Variants in MCFD2 observed in about 807,000 individuals in gnomAD.
MCFD2 encodes the protein multiple coagulation factor deficiency 2, ER cargo receptor complex subunit, also known as multiple coagulation factor deficiency protein 2.
A neutral mutation model predicts 12.8 loss-of-function variants in MCFD2; 11 were observed. The ratio of observed to expected loss-of-function variants is 0.86; its 90% CI spans 0.54 to 1.42. The LOEUF is 1.42. MCFD2 is among the 40% of genes most tolerant of loss of function. The pLI is 0.00. For synonymous variants in MCFD2, 70 were observed against 68.1 expected, an observed-to-expected ratio of 1.03 and a Z score of -0.14; for missense variants, 191 against 178.6, an observed-to-expected ratio of 1.07 and a Z score of -0.40.
upstream of MCFD2, among the ~76,000 whole-genome samples, chr2:46,920,271 A>ATGT (rs1186804321): frequency 1.3e-5 from 2 of 152,002 alleles, no homozygotes; most frequent in South Asian, 2.1e-4. Context: ...CTTTCTCATC[A>ATGT]TGTTGTTGTT....
rs1462297938 is a variant in MCFD2, at chr2:46,915,636, CT to C, written c.-7+86del. The C allele has an allele frequency of 1.2e-5, 5 of 407,338 alleles. No individual in the cohort carries two copies. In the East Asian group the frequency reaches 6.6e-4, roughly 54 times the overall value. The allele number at this position is 407,338 out of a possible 1,614,324, so 25.2% of individuals were successfully genotyped here. On this transcript the variant is annotated intron_variant, in intron 1 of 3. Coordinates refer to ENST00000319466, the MANE Select transcript of MCFD2 (RefSeq NM_139279.6). ...CCCAGCCCGCGCCCCCAGACTACTC[CT>C]GCCTCTCATCTTGAGCCCAAGCCTC...
At chr2:46,926,145 CAGA>C (rs1346155049) in intron 1 of MCFD2, among the ~76,000 whole-genome samples, 2 of 152,228 alleles carry the variant, frequency 1.3e-5, no homozygotes, top group Non-Finnish European at 2.9e-5. Context: ...ATTCCCTCCA[CAGA>C]AGAATCTCCT....
intron 1 of MCFD2, among the ~76,000 whole-genome samples, chr2:46,924,043 A>G (rs967256220): frequency 6.6e-6 from 1 of 151,712 alleles, no homozygotes; most frequent in African/African-American, 2.4e-5. Context: ...GCCTATAGAA[A>G]ATTTTTTAAA....
At chr2:46,905,760 A>G in intron 3 of MCFD2, 166 bp from the exon 4 acceptor site, 1 of 702,242 alleles carries the variant, frequency 1.4e-6, no homozygotes, top group Non-Finnish European at 2.5e-6. Flanking sequence ...TGTGTCCAAA[A>G]ACTTTCAATG....
At chr2:46,929,817 C>T (rs1210157890) in intron 1 of MCFD2, among the ~76,000 whole-genome samples, 2 of 152,218 alleles carry the variant, frequency 1.3e-5, no homozygotes, top group African/African-American at 4.8e-5. Context: ...ATTTCTTCCT[C>T]TGGTCAGTGG....
intron 1 of MCFD2, among the ~76,000 whole-genome samples, chr2:46,934,531 C>G (rs1317904538): frequency 6.6e-6 from 1 of 152,120 alleles, no homozygotes; most frequent in East Asian, 1.9e-4. Flanking sequence ...ACCTCAACCT[C>G]CCAAATTGCT....
intron 1 of MCFD2, among the ~76,000 whole-genome samples, chr2:46,936,570 C>G (rs942233883): frequency 6.6e-6 from 1 of 152,208 alleles, no homozygotes; most frequent in Non-Finnish European, 1.5e-5. Context: ...TCACCATTCG[C>G]AGACTCTCAT....
Position 46,905,309 on chromosome 2 carries a change from T to A in MCFD2, c.*154A>T. 1.3e-6 allele frequency: 1 copy of A among 782,874 alleles called. No homozygotes were observed. Among genetic ancestry groups the A allele is most frequent in the South Asian group, 1.4e-5 (1 of 70,164 alleles). The allele number at this position is 782,874 out of a possible 1,614,324, so 48.5% of individuals were successfully genotyped here. A position where few individuals can be genotyped will look rare whatever the true frequency, so the allele number is the denominator to read the frequency against. ...CCATTTCTCTTCTCTTTCATTTCTC[T>A]TATCTCTTCTCACCCCAGTGTAACG... On this transcript the variant is annotated 3_prime_UTR_variant, in exon 4 of 4. Coordinates refer to ENST00000319466, the MANE Select transcript of MCFD2 (RefSeq NM_139279.6).
chr2:46,941,795 G>C lies in MCFD2; in HGVS notation c.-231C>G. On this transcript the variant is annotated 5_prime_UTR_variant, in exon 1 of 3. Coordinates refer to the MCFD2 transcript ENST00000409147. This position sits in a 1 kb window ranked among gnomAD's most constrained non-coding sequence, Gnocchi z 4.2. ...ACGCACCGCCTCCTCCAGGAAGCGC[G>C]CCCAGACAGTCCTCGGCCGACAGCG... 6.5e-7 allele frequency: 1 copy of C among 1,533,156 alleles called. No homozygotes were observed. Among genetic ancestry groups the C allele is most frequent in the Admixed American group, 2.0e-5 (1 of 50,664 alleles). The allele number at this position is 1,533,156 out of a possible 1,614,324, so 95.0% of individuals were successfully genotyped here. A position where few individuals can be genotyped will look rare whatever the true frequency, so the allele number is the denominator to read the frequency against.
intron 1 of MCFD2, among the ~76,000 whole-genome samples, chr2:46,927,294 A>G (rs1226166778): frequency 1.3e-5 from 2 of 152,154 alleles, no homozygotes; most frequent in East Asian, 1.9e-4. Context: ...AGCTAAGCAC[A>G]TTAAAATAAG....
chr2:46,929,613 A>T (rs1052443032), intron 1 of MCFD2, among the ~76,000 whole-genome samples: 3 of 152,278 alleles, frequency 2.0e-5, no homozygotes, highest in Non-Finnish European at 4.4e-5. Flanking sequence ...ATCAGTGCTT[A>T]TAGCTAACAC....
At chr2:46,909,206 G>A (rs1244610047) in intron 1 of MCFD2, 29 bp from the exon 2 acceptor site, 1 of 1,604,534 alleles carries the variant, frequency 6.2e-7, no homozygotes, top group African/African-American at 1.3e-5. Flanking sequence ...AGAAGAGGAA[G>A]GCAGAGCATC....
At chr2:46,912,198 G>C (rs1343408627) in intron 1 of MCFD2, among the ~76,000 whole-genome samples, 2 of 152,158 alleles carry the variant, frequency 1.3e-5, no homozygotes, top group African/African-American at 4.8e-5. Flanking sequence ...AATTTGCTGG[G>C]CATGGTGGCG....
chr2:46,933,370 C>G (rs1039295824), intron 1 of MCFD2, among the ~76,000 whole-genome samples: 2 of 152,176 alleles, frequency 1.3e-5, no homozygotes, highest in Admixed American at 1.3e-4. Flanking sequence ...TTCTGAGATT[C>G]TAAAATTAAT....
At chr2:46,935,130 A>G (rs1000740253) in intron 1 of MCFD2, among the ~76,000 whole-genome samples, 1 of 152,014 alleles carries the variant, frequency 6.6e-6, no homozygotes, top group African/African-American at 2.4e-5. Flanking sequence ...GCCTTTGATT[A>G]CTAGACCAAC....
intron 1 of MCFD2, among the ~76,000 whole-genome samples, chr2:46,935,375 G>T (rs1041458204): frequency 6.6e-6 from 1 of 152,074 alleles, no homozygotes. Context: ...TGGAAGAGCT[G>T]CTTTAAAATA....
At position 46,907,998 on chromosome 2, in the gene MCFD2, A is replaced by C. The variant is rs768079784; in HGVS notation, c.150-29T>G. 1.2e-6 allele frequency: 2 copies of C among 1,613,126 alleles called. No individual in the cohort carries two copies. Among genetic ancestry groups the C allele is most frequent in the Admixed American group, 3.3e-5 (2 of 60,022 alleles). ...AAAATCAACAGTCAGGTTCAGGCCA[A>C]TTGACAGATACTGGGATCATGCTGA... On this transcript the variant is annotated intron_variant, in intron 2 of 3. Coordinates refer to ENST00000319466, the MANE Select transcript of MCFD2 (RefSeq NM_139279.6). The surrounding 1 kb of genome is among the most constrained non-coding windows in gnomAD (Gnocchi z 4.1).
At position 46,915,766 on chromosome 2, in the gene MCFD2, C is replaced by G; in HGVS notation, c.-50G>C. 2 of 978,670 alleles carry G rather than the reference C, an allele frequency of 2.0e-6. No homozygotes were observed. The highest frequency in any genetic ancestry group is 2.4e-6 in the Non-Finnish European group (2 of 824,236). The allele number at this position is 978,670 out of a possible 1,614,324, so 60.6% of individuals were successfully genotyped here. On this transcript the variant is annotated 5_prime_UTR_variant, in exon 1 of 4. Coordinates refer to ENST00000319466, the MANE Select transcript of MCFD2 (RefSeq NM_139279.6). ...AGACGCGAAGCCCTCCAACGTGAGC[C>G]TCACCAGCCCCCGTCCCCAAAACGC...
At chr2:46,930,435 G>GAA (rs56691862) in intron 1 of MCFD2, among the ~76,000 whole-genome samples, 4,420 of 120,258 alleles carry the variant, frequency 0.037, 247 homozygotes, top group African/African-American at 0.13. Context: ...GTATTCCTAG[G>GAA]AAAAAAAAAA....
Sources: gnomAD v4.1 joint callset for allele counts (sites outside exome capture counted in the v4.1 genomes callset) on GRCh38, gnomAD v4.1.1 for gene constraint, Gnocchi (gnomAD v3.1) non-coding constraint, MANE v1.5 for transcripts, NCBI Gene and HGNC (gene_info 2026-07-23, HGNC 2026-07-21) for gene names.